OR2L13: variants seen among roughly 807,000 people sequenced by gnomAD.
OR2L13 encodes the protein olfactory receptor family 2 subfamily L member 13.
OR2L13 carries 14 observed loss-of-function variants against 15.3 expected under a neutral mutation model. That is an observed-to-expected ratio of 0.91 (90% CI 0.60 to 1.43). OR2L13 has a LOEUF of 1.43. Among genes scored for constraint, OR2L13 ranks in the 40% most tolerant of loss-of-function variants. The pLI, the probability that OR2L13 is intolerant of heterozygous loss-of-function variation, is 0.00. For synonymous variants in OR2L13, 152 were observed against 142.9 expected (o/e 1.06, Z -0.45); for missense variants, 367 against 387.9 (o/e 0.95, Z 0.45).
intron 1 of OR2L13, 49 bp from the exon 2 acceptor site, chr1:248,098,602 G>T (rs1367149186): frequency 6.6e-6 from 1 of 152,148 alleles, no homozygotes; most frequent in Admixed American, 6.5e-5. Flanking sequence ...TTGAGTTTAA[G>T]TTCCTAAATG....
the OR2L13 span, among the ~76,000 whole-genome samples, chr1:248,005,096 G>C: frequency 6.6e-6 from 1 of 152,164 alleles, no homozygotes; most frequent in African/African-American, 2.4e-5. Flanking sequence ...ATAAGAGCCA[G>C]TAATTGGTAG....
chr1:248,064,775 C>T, the OR2L13 span, among the ~76,000 whole-genome samples: 2 of 152,144 alleles, frequency 1.3e-5, no homozygotes, highest in African/African-American at 4.8e-5. Flanking sequence ...ATTGAAGTCC[C>T]ACCTACTGAC....
the OR2L13 span, among the ~76,000 whole-genome samples, chr1:248,072,266 G>A: frequency 6.6e-6 from 1 of 152,152 alleles, no homozygotes; most frequent in Non-Finnish European, 1.5e-5. Context: ...CATGGTACTG[G>A]TACCAAAACA....
chr1:248,009,783 C>G, the OR2L13 span, among the ~76,000 whole-genome samples: 2 of 152,098 alleles, frequency 1.3e-5, no homozygotes, highest in Admixed American at 6.6e-5. Flanking sequence ...TACTGGCAAA[C>G]CAAATCCAAC....
the OR2L13 span, among the ~76,000 whole-genome samples, chr1:247,963,729 A>G: frequency 6.6e-6 from 1 of 152,226 alleles, no homozygotes; most frequent in African/African-American, 2.4e-5. Context: ...TCCAATCTGC[A>G]TTCCTCATAT....
At chr1:247,980,855 A>G in the OR2L13 span, 1 of 152,212 alleles carries the variant, frequency 6.6e-6, no homozygotes, top group African/African-American at 2.4e-5. Flanking sequence ...GCTCAGAAAA[A>G]TGACTGTTCA....
chr1:247,957,576 CTT>C, the OR2L13 span, among the ~76,000 whole-genome samples: 6 of 151,760 alleles, frequency 4.0e-5, no homozygotes, highest in African/African-American at 7.3e-5. Flanking sequence ...TGGTCCTGGA[CTT>C]TTTTTGGTTG....
the OR2L13 span, among the ~76,000 whole-genome samples, chr1:248,053,460 G>A: frequency 6.6e-6 from 1 of 152,202 alleles, no homozygotes; most frequent in Admixed American, 6.5e-5. Context: ...ATTCCTTTGG[G>A]TATACACCCA....
chr1:248,091,349 A>G (rs1034561580), upstream of OR2L13, among the ~76,000 whole-genome samples: 3 of 152,046 alleles, frequency 2.0e-5, no homozygotes, highest in African/African-American at 4.8e-5. Context: ...TCATTGTAAA[A>G]TCTTTGCCAG....
chr1:248,038,861 GT>G, the OR2L13 span: 38 of 1,614,048 alleles, frequency 2.4e-5, no homozygotes, highest in African/African-American at 4.1e-4. Flanking sequence ...AGAGCACAGT[GT>G]TTTTGAGCAG....
the OR2L13 span, among the ~76,000 whole-genome samples, chr1:248,058,116 A>G: frequency 2.0e-5 from 3 of 152,182 alleles, no homozygotes; most frequent in Non-Finnish European, 4.4e-5. Flanking sequence ...CAACTGTCAC[A>G]TAATTTTTAC....
chr1:248,099,464 T>C (rs1345454038), exon 3 of OR2L13: 1 of 1,613,776 alleles, frequency 6.2e-7, no homozygotes, highest in African/African-American at 1.3e-5. Flanking sequence ...TTGTGCCTTA[T>C]CATCCTCATA....
At chr1:248,047,765 C>T in the OR2L13 span, among the ~76,000 whole-genome samples, 10 of 152,202 alleles carry the variant, frequency 6.6e-5, no homozygotes, top group African/African-American at 1.2e-4. Context: ...ACAGTCATAG[C>T]GGATAAGAAG....
At chr1:247,991,304 C>T in the OR2L13 span, 13 of 712,520 alleles carry the variant, frequency 1.8e-5, no homozygotes, top group East Asian at 1.2e-4. Context: ...GTATGTCAAA[C>T]GGAAATTAAT....
chr1:247,989,947 A>C, the OR2L13 span, among the ~76,000 whole-genome samples: 2 of 152,234 alleles, frequency 1.3e-5, no homozygotes, highest in Admixed American at 1.3e-4. Context: ...TATCATCAGA[A>C]GAAAAATAAA....
At chr1:248,061,003 G>A in the OR2L13 span, 8 of 1,613,922 alleles carry the variant, frequency 5.0e-6, no homozygotes, top group Non-Finnish European at 5.9e-6. Flanking sequence ...GGCATTAGGA[G>A]GTGCAGAAGC....
the OR2L13 span, among the ~76,000 whole-genome samples, chr1:247,957,415 G>A: frequency 1.3e-5 from 2 of 151,990 alleles, no homozygotes; most frequent in African/African-American, 4.8e-5. Flanking sequence ...TTTTTTTGTT[G>A]TGTCTCTGCC....
chr1:248,022,874 G>A, the OR2L13 span: 259 of 1,606,212 alleles, frequency 1.6e-4, no homozygotes, highest in Admixed American at 4.3e-4. Context: ...ATATCTTCTC[G>A]GTGAAAATGT....
At chr1:247,965,591 T>C in the OR2L13 span, 1 of 1,588,854 alleles carries the variant, frequency 6.3e-7, no homozygotes, top group South Asian at 1.2e-5. Flanking sequence ...GTTGACCTCA[T>C]GTACATCTCC....
Sources: gnomAD v4.1 joint callset for allele counts (sites outside exome capture counted in the v4.1 genomes callset) on GRCh38, gnomAD v4.1.1 for gene constraint, MANE v1.5 for transcripts, NCBI Gene and HGNC (gene_info 2026-07-23, HGNC 2026-07-21) for gene names.